MAP3K4: variants seen among roughly 807,000 people sequenced by gnomAD.
MAP3K4 encodes the protein MAP three kinase 1.
Under a neutral mutation model 185.6 loss-of-function variants are expected in MAP3K4, and 67 were observed. The ratio of observed to expected loss-of-function variants is 0.36; its 90% CI spans 0.30 to 0.44. MAP3K4 has a LOEUF of 0.44. Among genes scored for constraint, MAP3K4 ranks in the 20% least tolerant of loss-of-function variants. MAP3K4 has a pLI of 1.00. For missense variants in MAP3K4, 1,551 were observed against 1,995.1 expected, an observed-to-expected ratio of 0.78 and a Z score of 4.24; for synonymous variants, 702 against 710.4, an observed-to-expected ratio of 0.99 and a Z score of 0.19.
rs578214587 is a variant in MAP3K4 at position 161,053,737 on chromosome 6, G to A, written c.1707+3758G>A. Among the ~76,000 whole-genome samples, 5 of 151,748 alleles carry A rather than the reference G, an allele frequency of 3.3e-5. No homozygotes were observed. The highest frequency in any genetic ancestry group is 1.9e-4 in the East Asian group (1 of 5,164). ...CTCTTGAGTAGCTGGGATTACAAGCGTGCACCACCATGCCTGGCTAATTTT... is the reference window on the plus strand; with the variant it reads ...CTCTTGAGTAGCTGGGATTACAAGCATGCACCACCATGCCTGGCTAATTTT... On this transcript the variant is annotated intron_variant, in intron 3 of 26. Transcript: ENST00000392142. This position sits in a 1 kb window ranked among gnomAD's most constrained non-coding sequence, Gnocchi z 4.2.
chr6:161,030,897 A>G (rs898247910), intron 1 of MAP3K4, among the ~76,000 whole-genome samples: 1 of 152,254 alleles, frequency 6.6e-6, no homozygotes, highest in Non-Finnish European at 1.5e-5. Context: ...TGTTGACTGC[A>G]TTAAGTAAAT....
Position 161,051,885 on chromosome 6 carries a change from C to T in MAP3K4, c.1707+1906C>T, listed in dbSNP as rs754638082. Among the ~76,000 whole-genome samples, 21 of 152,204 alleles carry T rather than the reference C, an allele frequency of 1.4e-4. No homozygotes were observed. The highest frequency in any genetic ancestry group is 2.9e-4 in the Non-Finnish European group (20 of 68,046). The stretch of plus-strand genomic sequence containing the variant: ...TTACTGTTTTAGAGACAAGATCTCA[C>T]TACGTTGCCCAGGCTGGACTCAAAC... On this transcript the variant is annotated intron_variant, in intron 3 of 26. Transcript: ENST00000392142. The surrounding 1 kb of genome is among the most constrained non-coding windows in gnomAD (Gnocchi z 4.2).
At chr6:160,998,500 GTGA>G (rs1432371613) in intron 1 of MAP3K4, among the ~76,000 whole-genome samples, 1 of 152,144 alleles carries the variant, frequency 6.6e-6, no homozygotes, top group African/African-American at 2.4e-5. Flanking sequence ...GAGAGTCCAT[GTGA>G]TATAAAGAGA....
chr6:161,056,458 G>C lies in MAP3K4; in HGVS notation c.1707+6479G>C, dbSNP rs1784237936. On this transcript the variant is annotated intron_variant, in intron 3 of 26. Coordinates refer to ENST00000392142, the MANE Select transcript of MAP3K4 (RefSeq NM_005922.4). This position sits in a 1 kb window ranked among gnomAD's most constrained non-coding sequence, Gnocchi z 5.4. ...AATTCCCTATCTAAAATAATCATGA[G>C]TTCATACTGATGTCTTTCGCTCTGA... 6.6e-6 allele frequency among the ~76,000 whole-genome samples: 1 copy of C among 152,156 alleles called. No individual in the cohort carries two copies. Among genetic ancestry groups the C allele is most frequent in the Non-Finnish European group, 1.5e-5 (1 of 68,032 alleles).
At chr6:161,090,008 C>T (rs1785947402) in intron 11 of MAP3K4, among the ~76,000 whole-genome samples, 1 of 152,178 alleles carries the variant, frequency 6.6e-6, no homozygotes, top group Admixed American at 6.5e-5. Context: ...TATTTTGTAT[C>T]CCATGTATCA....
chr6:161,051,672 C>T lies in MAP3K4; in HGVS notation c.1707+1693C>T, dbSNP rs1304817371. On this transcript the variant is annotated intron_variant, in intron 3 of 26. Coordinates refer to ENST00000392142, the MANE Select transcript of MAP3K4 (RefSeq NM_005922.4). This position sits in a 1 kb window ranked among gnomAD's most constrained non-coding sequence, Gnocchi z 4.2. ...CATCCCAGGGGGATTTGTTCCAGGA[C>T]CCCCATGGACACTCAAATCCTTGGA... Among the ~76,000 whole-genome samples, 1 of 152,162 alleles carries T rather than the reference C, an allele frequency of 6.6e-6. No homozygotes were observed. Among genetic ancestry groups the T allele is most frequent in the Non-Finnish European group, 1.5e-5 (1 of 68,040 alleles).
Position 161,048,895 on chromosome 6 carries a change from G to A in MAP3K4, c.623G>A (p.Arg208Lys), listed in dbSNP as rs1355779392. The A allele has an allele frequency of 1.2e-6, 2 of 1,614,162 alleles. No individual in the cohort carries two copies. The highest frequency in any genetic ancestry group is 8.5e-7 in the Non-Finnish European group (1 of 1,180,036). The change falls in exon 3 of 27, where the codon AGA becomes AAA. Residue 208 changes from arginine to lysine, a missense_variant. Arg to Lys is a conservative substitution (Grantham distance 26). Around this residue, in one of 16 missense-constraint regions of MAP3K4, gnomAD observed 287 missense variants for 268.8 expected, o/e 1.07. Transcript: ENST00000392142. The surrounding 1 kb of genome is among the most constrained non-coding windows in gnomAD (Gnocchi z 4.7). ...LPVSVPMPIARPARQTSRTDC... is the reference protein window; with the variant it reads ...LPVSVPMPIAKPARQTSRTDC... ...GTATCTGTGCCCATGCCTATAGCCA[G>A]ACCTGCACGCCAGACTTCTAGGACT... is the stretch of plus-strand genomic sequence containing the variant.
In MAP3K4 at chr6:161,017,061, A is replaced by C. The variant is rs1302967947; in HGVS notation, c.153-17198A>C. Among the ~76,000 whole-genome samples the C allele has an allele frequency of 2.0e-5, 3 of 152,170 alleles. No individual in the cohort carries two copies. Among genetic ancestry groups the C allele is most frequent in the African/African-American group, 7.2e-5 (3 of 41,424 alleles). ...ATATATCTCGGGAGTATAATGCTTT[A>C]CTAAAGGTCTTGTGTGCACTGAAAA... On this transcript the variant is annotated intron_variant, in intron 1 of 26. Transcript: ENST00000392142. The surrounding 1 kb of genome is among the most constrained non-coding windows in gnomAD (Gnocchi z 5.1).
chr6:161,039,054 G>C (rs959562858), intron 2 of MAP3K4, among the ~76,000 whole-genome samples: 1 of 152,140 alleles, frequency 6.6e-6, no homozygotes, highest in Non-Finnish European at 1.5e-5. Context: ...TTAGGCCTTA[G>C]CTTCCGCGGT....
At chr6:161,045,211 G>A (rs1419329239) in intron 2 of MAP3K4, among the ~76,000 whole-genome samples, 2 of 151,896 alleles carry the variant, frequency 1.3e-5, no homozygotes, top group Non-Finnish European at 2.9e-5. Flanking sequence ...AACCAACTTG[G>A]GTTTTGTTTT....
In MAP3K4 at chr6:161,070,799, A is replaced by G. The variant is rs1784905845; in HGVS notation, c.1899A>G (p.Leu633=). Reference sequence around the variant, plus strand: ...ATGTCATACATGAGTGTCTGAAGTTAAGATTGGAGCAGAGACCTGCTGGAG... The same window carrying G: ...ATGTCATACATGAGTGTCTGAAGTTGAGATTGGAGCAGAGACCTGCTGGAG... ...LLNVIHECLK[L]RLEQRPAGEP... is the part of the protein sequence containing the mutation. Residue 633 remains leucine (L), a synonymous_variant, in exon 4 of 27, where the codon TTA becomes TTG. Coordinates refer to ENST00000392142, the MANE Select transcript of MAP3K4 (RefSeq NM_005922.4). This position sits in a 1 kb window ranked among gnomAD's most constrained non-coding sequence, Gnocchi z 4.5. The G allele has an allele frequency of 6.2e-7, 1 of 1,614,018 alleles. No homozygotes were observed. The highest frequency in any genetic ancestry group is 1.3e-5 in the African/African-American group (1 of 75,058).
Position 161,051,959 on chromosome 6 carries a change from T to A in MAP3K4, c.1707+1980T>A, listed in dbSNP as rs1784021055. ...GCCTTAGCCTCCTGAGTAGCTTGTA[T>A]TACTTTTTATTGTTGTATTCTTATT... On this transcript the variant is annotated intron_variant, in intron 3 of 26. Transcript: ENST00000392142. This position sits in a 1 kb window ranked among gnomAD's most constrained non-coding sequence, Gnocchi z 4.2. Among the ~76,000 whole-genome samples the A allele has an allele frequency of 6.6e-6, 1 of 152,218 alleles. No homozygotes were observed. The highest frequency in any genetic ancestry group is 2.1e-4 in the South Asian group (1 of 4,836).
chr6:161,022,907 G>C lies in MAP3K4; in HGVS notation c.153-11352G>C, dbSNP rs141766382. ...GCATGGTAAGTACTCCGTGCCTAAC[G>C]GTAGCAATTATACTGTTACAGTGAA... On this transcript the variant is annotated intron_variant, in intron 1 of 26. Transcript: ENST00000392142. This position sits in a 1 kb window ranked among gnomAD's most constrained non-coding sequence, Gnocchi z 4.2. Among the ~76,000 whole-genome samples the C allele has an allele frequency of 0.011, 1,621 of 152,146 alleles. 5 individuals are homozygous for C. The highest frequency in any genetic ancestry group is 0.017 in the Non-Finnish European group (1,151 of 67,990).
At chr6:161,015,691 T>C (rs1782066262) in intron 1 of MAP3K4, among the ~76,000 whole-genome samples, 1 of 151,818 alleles carries the variant, frequency 6.6e-6, no homozygotes, top group Non-Finnish European at 1.5e-5. Context: ...CAAGAGGTGG[T>C]GCGGGGCGGG....
rs889216746 is a variant in MAP3K4, at chr6:161,022,099, A to T, written c.153-12160A>T. ...GTTTGAAAGGCTGTTTTCTATTTCA[A>T]CACACGCACACCGGCACACACCCAG... is the stretch of plus-strand genomic sequence containing the variant. On this transcript the variant is annotated intron_variant, in intron 1 of 26. Transcript: ENST00000392142. The surrounding 1 kb of genome is among the most constrained non-coding windows in gnomAD (Gnocchi z 4.2). The T allele has an allele frequency of 1.3e-5, 2 of 152,214 alleles. No individual in the cohort carries two copies. The highest frequency in any genetic ancestry group is 2.9e-5 in the Non-Finnish European group (2 of 68,036). The allele number at this position is 152,214 out of a possible 1,614,324, so 9.4% of individuals were successfully genotyped here. A position where few individuals can be genotyped will look rare whatever the true frequency, so the allele number is the denominator to read the frequency against.
In MAP3K4 at chr6:161,114,356, T is replaced by A. The variant is rs1473436275; in HGVS notation, c.4627-767T>A. Among the ~76,000 whole-genome samples, 1 of 152,220 alleles carries A rather than the reference T, an allele frequency of 6.6e-6. No individual in the cohort carries two copies. Among genetic ancestry groups the A allele is most frequent in the Middle Eastern group, 3.2e-3 (1 of 316 alleles). On this transcript the variant is annotated intron_variant, in intron 25 of 26. Transcript: ENST00000392142. This position sits in a 1 kb window ranked among gnomAD's most constrained non-coding sequence, Gnocchi z 4.3. ...TAGCAAAAAAGTTAGAAACCTTCAT[T>A]TCTAAGTTAAAAGTTAGTGTTAAGT...
At chr6:161,111,789 A>T in intron 23 of MAP3K4, 47 bp from the exon 24 acceptor site, 2 of 1,598,250 alleles carry the variant, frequency 1.3e-6, no homozygotes, top group Non-Finnish European at 1.7e-6. Flanking sequence ...AACCTTGCCC[A>T]CATTGTGTTT....
intron 5 of MAP3K4, among the ~76,000 whole-genome samples, chr6:161,079,133 G>A (rs138642471): frequency 0.075 from 11,082 of 147,204 alleles, 503 homozygotes; most frequent in African/African-American, 0.13. Flanking sequence ...AGAATCACTT[G>A]AACCTGGGAG....
At position 161,088,324 on chromosome 6, in the gene MAP3K4, T is replaced by C. The variant is rs1285074753; in HGVS notation, c.2823+370T>C. ...AGGTTTACTGGTTATTTAATTTTAA[T>C]TTTTTGTAGTGAAGGCTATCCCCTC... On this transcript the variant is annotated intron_variant, in intron 10 of 26. Coordinates refer to ENST00000392142, the MANE Select transcript of MAP3K4 (RefSeq NM_005922.4). This position sits in a 1 kb window ranked among gnomAD's most constrained non-coding sequence, Gnocchi z 4.5. 6.6e-6 allele frequency among the ~76,000 whole-genome samples: 1 copy of C among 152,220 alleles called. No individual in the cohort carries two copies. The highest frequency in any genetic ancestry group is 1.5e-5 in the Non-Finnish European group (1 of 68,034).
Sources: gnomAD v4.1 joint callset for allele counts (sites outside exome capture counted in the v4.1 genomes callset) on GRCh38, gnomAD v4.1.1 for gene constraint, gnomAD v4.1.1 regional missense constraint, Gnocchi (gnomAD v3.1) non-coding constraint, MANE v1.5 for transcripts, NCBI Gene and HGNC (gene_info 2026-07-23, HGNC 2026-07-21) for gene names.